The following RAB3IL1 variants were observed in gnomAD, a reference collection of about 807,000 sequenced individuals.
The protein encoded by RAB3IL1 is RAB3A interacting protein like 1.
Under a neutral mutation model 49.2 loss-of-function variants are expected in RAB3IL1, and 37 were observed. The ratio of observed to expected loss-of-function variants is 0.75; its 90% CI spans 0.58 to 0.99. The LOEUF (loss-of-function observed/expected upper bound fraction) is 0.99, where lower values mean the gene tolerates loss of function less well. Ranked by LOEUF, RAB3IL1 falls within the 50% of genes least tolerant of loss-of-function variation. RAB3IL1 has a pLI of 0.00. For missense variants in RAB3IL1, 484 were observed against 513.0 expected, an observed-to-expected ratio of 0.94 and a Z score of 0.55; for synonymous variants, 193 against 213.9, an observed-to-expected ratio of 0.90 and a Z score of 0.85.
chr11:61,904,421 TG>T, intron 7 of RAB3IL1, 124 bp downstream of exon 7: 2 of 968,190 alleles, frequency 2.1e-6, no homozygotes, highest in Non-Finnish European at 3.2e-6. Context: ...CCTTGCCCTG[TG>T]GGGGCAGCAA....
chr11:61,920,010 C>T (rs888960546), upstream of RAB3IL1: 3 of 1,235,300 alleles, frequency 2.4e-6, no homozygotes, highest in Admixed American at 4.0e-5. Flanking sequence ...AAGACTCCCC[C>T]TCCCCTCCAT....
At chr11:61,913,742 G>A (rs961530074) in intron 1 of RAB3IL1, among the ~76,000 whole-genome samples, 1 of 152,172 alleles carries the variant, frequency 6.6e-6, no homozygotes, top group African/African-American at 2.4e-5. Flanking sequence ...CCCATTATGT[G>A]CCAGGCACCC....
the RAB3IL1 span, among the ~76,000 whole-genome samples, chr11:61,942,190 A>T: frequency 7.2e-5 from 11 of 152,222 alleles, no homozygotes; most frequent in South Asian, 2.1e-4. Context: ...CAGCCTAGGC[A>T]ACAAGAGCAA....
At chr11:61,941,469 C>G in the RAB3IL1 span, among the ~76,000 whole-genome samples, 1 of 152,082 alleles carries the variant, frequency 6.6e-6, no homozygotes, top group Non-Finnish European at 1.5e-5. Context: ...ATATAAAGAC[C>G]AGGCTGGGCG....
At chr11:61,936,214 G>A in the RAB3IL1 span, among the ~76,000 whole-genome samples, 1 of 152,094 alleles carries the variant, frequency 6.6e-6, no homozygotes, top group African/African-American at 2.4e-5. Flanking sequence ...ATGGAGAGGA[G>A]GCAGAGAAAG....
At chr11:61,933,979 T>C in the RAB3IL1 span, among the ~76,000 whole-genome samples, 482 of 151,990 alleles carry the variant, frequency 3.2e-3, 1 homozygote, top group African/African-American at 0.011. Context: ...AAGATGGCTA[T>C]TAAGGCTCTA....
upstream of RAB3IL1, among the ~76,000 whole-genome samples, chr11:61,923,999 G>A: frequency 6.6e-6 from 1 of 152,072 alleles, no homozygotes; most frequent in East Asian, 1.9e-4. Flanking sequence ...GGCCGAATGG[G>A]GTCACAGCTT....
At chr11:61,935,549 T>G in the RAB3IL1 span, among the ~76,000 whole-genome samples, 1 of 152,016 alleles carries the variant, frequency 6.6e-6, no homozygotes, top group Non-Finnish European at 1.5e-5. Flanking sequence ...GAGTCTTGTT[T>G]TGTCACCCAG....
Position 61,902,545 on chromosome 11 carries a change from G to T in RAB3IL1, c.900-4C>A. On this transcript the variant is annotated splice_polypyrimidine_tract_variant and splice_region_variant and intron_variant, in intron 7 of 9. Transcript: ENST00000394836. ...CAGCCCGCTCAGGGCACATGTGCTA[G>T]GGGAAAGCAAAATGGGTCACGGGGG... 6.3e-7 allele frequency: 1 copy of T among 1,594,472 alleles called. No individual in the cohort carries two copies. The highest frequency in any genetic ancestry group is 2.3e-5 in the East Asian group (1 of 44,136).
At chr11:61,904,470 C>A (rs1939071768) in intron 7 of RAB3IL1, 76 bp downstream of exon 7, 2 of 1,382,218 alleles carry the variant, frequency 1.4e-6, no homozygotes, top group South Asian at 2.5e-5. Flanking sequence ...ATCCTGACCA[C>A]CCCTCGGCAC....
At chr11:61,907,914 C>T in intron 2 of RAB3IL1, 140 bp downstream of exon 2, 2 of 1,336,812 alleles carry the variant, frequency 1.5e-6, no homozygotes, top group Non-Finnish European at 2.0e-6. Context: ...GCGCCCAGTA[C>T]AGGCCTGGCC....
In RAB3IL1 at chr11:61,907,392, C is replaced by G. The variant is rs776592471; in HGVS notation, c.438+1G>C. 6.2e-7 allele frequency: 1 copy of G among 1,613,236 alleles called. No homozygotes were observed. Among genetic ancestry groups the G allele is most frequent in the Non-Finnish European group, 8.5e-7 (1 of 1,179,794 alleles). On this transcript the variant is annotated splice_donor_variant, in intron 4 of 9. Coordinates refer to ENST00000394836, the MANE Select transcript of RAB3IL1 (RefSeq NM_013401.4). LOFTEE classifies it high-confidence loss of function. ...CCTGGGCAGGCGGGGATGGGCCTCA[C>G]CTTGCCCCGAGCCTCCTTCAGCTGC...
At position 61,917,307 on chromosome 11, in the gene RAB3IL1, G is replaced by A. The variant is rs769195159; in HGVS notation, c.11+50C>T. ...CCCCGAAATCCTCCCGTCCCGGGAG[G>A]CGACCGCGGCCCAGACCCAGCGCGG... On this transcript the variant is annotated intron_variant, in intron 1 of 9. Coordinates refer to ENST00000394836, the MANE Select transcript of RAB3IL1 (RefSeq NM_013401.4). 7 of 1,354,512 alleles carry A rather than the reference G, an allele frequency of 5.2e-6. No individual in the cohort carries two copies. The African/African-American group carries it at 7.6e-5, about 15-fold the overall frequency. The allele number at this position is 1,354,512 out of a possible 1,614,324, so 83.9% of individuals were successfully genotyped here. A position where few individuals can be genotyped will look rare whatever the true frequency, so the allele number is the denominator to read the frequency against.
At chr11:61,930,535 T>G in the RAB3IL1 span, among the ~76,000 whole-genome samples, 1 of 152,102 alleles carries the variant, frequency 6.6e-6, no homozygotes, top group African/African-American at 2.4e-5. Flanking sequence ...TCCCAGCACT[T>G]TGGGAGGCTG....
chr11:61,934,450 GTATATATATATATATATATA>G, the RAB3IL1 span, among the ~76,000 whole-genome samples: 320 of 31,624 alleles, frequency 0.01, 10 homozygotes, highest in African/African-American at 0.026. Flanking sequence ...GTGTGTGTAT[GTATATATATATATATATATA>G]TATATATATA....
chr11:61,929,061 G>A, the RAB3IL1 span, among the ~76,000 whole-genome samples: 1 of 152,118 alleles, frequency 6.6e-6, no homozygotes, highest in African/African-American at 2.4e-5. Flanking sequence ...GTACATATTT[G>A]TGGGGTATAT....
chr11:61,910,318 C>G (rs561886346), intron 1 of RAB3IL1, among the ~76,000 whole-genome samples: 10 of 152,362 alleles, frequency 6.6e-5, no homozygotes, highest in Admixed American at 4.6e-4. Context: ...GTAGGGAAAT[C>G]TGACCCAATT....
the RAB3IL1 span, among the ~76,000 whole-genome samples, chr11:61,934,420 A>ATGTG: frequency 1.3e-4 from 8 of 61,820 alleles, no homozygotes; most frequent in East Asian, 3.1e-4. Context: ...ATACATATAT[A>ATGTG]TGTGTATGTG....
chr11:61,930,057 G>A, the RAB3IL1 span, among the ~76,000 whole-genome samples: 1 of 151,428 alleles, frequency 6.6e-6, no homozygotes, highest in Non-Finnish European at 1.5e-5. Context: ...CACCATGCCC[G>A]GCTAATCTTT....
Sources: gnomAD v4.1 joint callset for allele counts (sites outside exome capture counted in the v4.1 genomes callset) on GRCh38, gnomAD v4.1.1 for gene constraint, MANE v1.5 for transcripts, NCBI Gene and HGNC (gene_info 2026-07-23, HGNC 2026-07-21) for gene names.